C1GALT1: variants seen among roughly 807,000 people sequenced by gnomAD.
C1GALT1 encodes glycoprotein-N-acetylgalactosamine 3-beta-galactosyltransferase 1.
Under a neutral mutation model 31.0 loss-of-function variants are expected in C1GALT1, and 11 were observed. The observed-to-expected ratio is 0.36, with a 90% CI of 0.22 to 0.59. The LOEUF (loss-of-function observed/expected upper bound fraction) is 0.59. C1GALT1 is among the 20% of genes least tolerant of loss of function. The pLI is 0.79. For synonymous variants in C1GALT1, 175 were observed against 143.6 expected, an observed-to-expected ratio of 1.22 and a Z score of -1.56; for missense variants, 424 against 425.2, an observed-to-expected ratio of 1.00 and a Z score of 0.03.
chr7:7,190,335 G>A (rs1781013274), intron 1 of C1GALT1, among the ~76,000 whole-genome samples: 1 of 152,158 alleles, frequency 6.6e-6, no homozygotes, highest in South Asian at 2.1e-4. Flanking sequence ...GATACATGTG[G>A]AATGTTGTGT....
Position 7,244,204 on chromosome 7 carries a change from C to A in C1GALT1, c.*477C>A, listed in dbSNP as rs1432712343. On this transcript the variant is annotated 3_prime_UTR_variant, in exon 4 of 4. Transcript: ENST00000436587. ...TATTTGCAGTATGCTATAAATGATACCCCCCTACCACACCCACACACACAG... is the reference window on the plus strand; with the variant it reads ...TATTTGCAGTATGCTATAAATGATAACCCCCTACCACACCCACACACACAG... 6.6e-6 allele frequency: 1 copy of A among 152,246 alleles called. No homozygotes were observed. The highest frequency in any genetic ancestry group is 1.5e-5 in the Non-Finnish European group (1 of 67,982). 9.4% of individuals were successfully genotyped at this position (152,246 alleles called of 1,614,324 possible).
chr7:7,235,922 A>G (rs1171013979), intron 2 of C1GALT1, among the ~76,000 whole-genome samples: 1 of 152,148 alleles, frequency 6.6e-6, no homozygotes, highest in East Asian at 1.9e-4. Flanking sequence ...TCCTCAGTGC[A>G]TTTCCGATTC....
At position 7,238,931 on chromosome 7, in the gene C1GALT1, A is replaced by C; in HGVS notation, c.888+9A>C. ...ATTATCCTCCTGTAGAGGTAAGTTT[A>C]GAAATTTTATTACTATGTCAATACT... On this transcript the variant is annotated intron_variant, in intron 3 of 3. Transcript: ENST00000436587. This position sits in a 1 kb window ranked among gnomAD's most constrained non-coding sequence, Gnocchi z 5.2. 1 of 1,588,092 alleles carries C rather than the reference A, an allele frequency of 6.3e-7. No individual in the cohort carries two copies. The highest frequency in any genetic ancestry group is 2.2e-5 in the East Asian group (1 of 44,754).
intron 1 of C1GALT1, among the ~76,000 whole-genome samples, chr7:7,218,039 G>A (rs1247466803): frequency 6.7e-6 from 1 of 149,634 alleles, no homozygotes; most frequent in African/African-American, 2.6e-5. Context: ...TAGTAAAGGT[G>A]TAAATGAAGG....
In C1GALT1 at chr7:7,183,643, T is replaced by A. The variant is rs1349672648; in HGVS notation, c.-18+823T>A. 4.1e-6 allele frequency: 4 copies of A among 970,610 alleles called. No homozygotes were observed. The African/African-American group carries it at 7.0e-5, about 17-fold the overall frequency. The allele number at this position is 970,610 out of a possible 1,614,324, so 60.1% of individuals were successfully genotyped here. On this transcript the variant is annotated intron_variant, in intron 1 of 3. Transcript: ENST00000436587. ...TGACCATAATTTAGCGCTGTGGATT[T>A]ATTCTTTCCTGGTCCTTACCGTCTC...
chr7:7,234,250 GTTA>G (rs557503354), intron 1 of C1GALT1, 50 bp from the exon 2 acceptor site: 22 of 1,332,972 alleles, frequency 1.7e-5, no homozygotes, highest in Non-Finnish European at 2.2e-5. Flanking sequence ...TTTTACTCCG[GTTA>G]TGTATACAGC....
chr7:7,215,112 G>A (rs560640349), intron 1 of C1GALT1, among the ~76,000 whole-genome samples: 1 of 152,146 alleles, frequency 6.6e-6, no homozygotes, highest in Non-Finnish European at 1.5e-5. Flanking sequence ...ATTGCCACGC[G>A]GTTACAGATC....
chr7:7,218,941 C>T (rs1024012509), intron 1 of C1GALT1, among the ~76,000 whole-genome samples: 3 of 151,734 alleles, frequency 2.0e-5, no homozygotes, highest in Non-Finnish European at 4.4e-5. Flanking sequence ...TCACGCCATT[C>T]TCCTGCCTCA....
rs1382567815 is a variant in C1GALT1 at position 7,238,965 on chromosome 7, C to T, written c.888+43C>T. On this transcript the variant is annotated intron_variant, in intron 3 of 3. Coordinates refer to ENST00000436587, the MANE Select transcript of C1GALT1 (RefSeq NM_020156.5). This position sits in a 1 kb window ranked among gnomAD's most constrained non-coding sequence, Gnocchi z 5.2. The stretch of plus-strand genomic sequence containing the variant: ...ATTACTATGTCAATACTTGGACTGA[C>T]TGAATTTTGTTGATAAAAACATGTT... The T allele has an allele frequency of 1.4e-6, 2 of 1,478,458 alleles. No individual in the cohort carries two copies. The highest frequency in any genetic ancestry group is 1.4e-5 in the African/African-American group (1 of 70,778). 91.6% of individuals were successfully genotyped at this position (1,478,458 alleles called of 1,614,324 possible). A position where few individuals can be genotyped will look rare whatever the true frequency, so the allele number is the denominator to read the frequency against.
intron 1 of C1GALT1, among the ~76,000 whole-genome samples, chr7:7,227,690 A>C (rs1236331595): frequency 6.8e-6 from 1 of 147,642 alleles, no homozygotes; most frequent in Non-Finnish European, 1.5e-5. Context: ...ACTGCACTCC[A>C]GCCTGGGCAA....
chr7:7,230,849 T>C (rs576616858), intron 1 of C1GALT1, among the ~76,000 whole-genome samples: 1 of 152,080 alleles, frequency 6.6e-6, no homozygotes, highest in African/African-American at 2.4e-5. Flanking sequence ...CTTATACTTT[T>C]TGATGCCAGT....
rs372383272 is a variant in C1GALT1 at position 7,190,640 on chromosome 7, C to T, written c.-18+7820C>T. On this transcript the variant is annotated intron_variant, in intron 1 of 3. Transcript: ENST00000436587. ...GTAGTAAACTTTGTCTCTTCCCCTT[C>T]CCCAGTTCCCCTTTCAAGAGTTTTC... Among the ~76,000 whole-genome samples the T allele has an allele frequency of 2.5e-4, 38 of 152,162 alleles. No homozygotes were observed. In the East Asian group the frequency reaches 4.2e-3, roughly 17 times the overall value.
At chr7:7,237,451 TTGGTTGGTTC>T (rs1466366474) in intron 2 of C1GALT1, among the ~76,000 whole-genome samples, 9 of 152,246 alleles carry the variant, frequency 5.9e-5, no homozygotes, top group African/African-American at 1.9e-4. Flanking sequence ...GACATTTTGA[TTGGTTGGTTC>T]TGATAGTAGG....
intron 3 of C1GALT1, among the ~76,000 whole-genome samples, chr7:7,242,518 G>T (rs758405611): frequency 3.9e-5 from 6 of 151,946 alleles, no homozygotes; most frequent in African/African-American, 7.2e-5. Context: ...CAGTCAATAT[G>T]AATCTTCTCT....
intron 3 of C1GALT1, among the ~76,000 whole-genome samples, chr7:7,240,793 C>T (rs866555132): frequency 8.5e-5 from 13 of 152,068 alleles, no homozygotes; most frequent in African/African-American, 2.4e-4. Flanking sequence ...ATAAACCCAA[C>T]GTGAAACTAA....
At chr7:7,199,737 A>G (rs193005690) in intron 1 of C1GALT1, among the ~76,000 whole-genome samples, 16 of 152,328 alleles carry the variant, frequency 1.1e-4, no homozygotes, top group South Asian at 4.1e-4. Flanking sequence ...TATTGGATGC[A>G]TATATATTTA....
At chr7:7,190,016 C>G (rs1211243150) in intron 1 of C1GALT1, among the ~76,000 whole-genome samples, 1 of 152,048 alleles carries the variant, frequency 6.6e-6, no homozygotes, top group East Asian at 1.9e-4. Flanking sequence ...TTTATTTCAA[C>G]CTGATGAAGT....
At chr7:7,183,873 A>C (rs1271233929) in intron 1 of C1GALT1, among the ~76,000 whole-genome samples, 1 of 152,220 alleles carries the variant, frequency 6.6e-6, no homozygotes, top group African/African-American at 2.4e-5. Flanking sequence ...AAAGTTATAA[A>C]TTTAGAACCA....
intron 2 of C1GALT1, among the ~76,000 whole-genome samples, chr7:7,172,776 A>G (rs1780467865): frequency 1.3e-5 from 2 of 152,202 alleles, no homozygotes; most frequent in Non-Finnish European, 2.9e-5. Flanking sequence ...AGAGTGGTAC[A>G]TTTGTTACTA....
Sources: gnomAD v4.1 joint callset for allele counts (sites outside exome capture counted in the v4.1 genomes callset) on GRCh38, gnomAD v4.1.1 for gene constraint, Gnocchi (gnomAD v3.1) non-coding constraint, MANE v1.5 for transcripts, NCBI Gene and HGNC (gene_info 2026-07-23, HGNC 2026-07-21) for gene names.